The following GLI2 variants were observed in gnomAD, a reference collection of about 807,000 sequenced individuals.
GLI2 encodes GLI family zinc finger 2.
In GLI2, 22 loss-of-function variants were observed where a neutral mutation model predicts 78.9. The observed-to-expected ratio is 0.28, with a 90% CI of 0.20 to 0.40. GLI2 has a LOEUF of 0.40. Among genes scored for constraint, GLI2 ranks in the 10% least tolerant of loss-of-function variants. The pLI is 1.00. For synonymous variants in GLI2, 974 were observed against 963.7 expected (o/e 1.01, Z -0.20); for missense variants, 2,097 against 2,213.2 (o/e 0.95, Z 1.05).
intron 1 of GLI2, among the ~76,000 whole-genome samples, chr2:120,763,984 G>T (rs913035807): frequency 2.0e-5 from 3 of 152,238 alleles, no homozygotes; most frequent in Non-Finnish European, 2.9e-5. Flanking sequence ...ATAGCCCTGT[G>T]GGGACATCTC....
chr2:120,898,733 A>G (rs1202199310), intron 2 of GLI2, among the ~76,000 whole-genome samples: 1 of 152,178 alleles, frequency 6.6e-6, no homozygotes, highest in Non-Finnish European at 1.5e-5. Flanking sequence ...ATCATAACAA[A>G]GTGTCCTTTG....
intron 2 of GLI2, among the ~76,000 whole-genome samples, chr2:120,856,454 G>A (rs1287343520): frequency 1.3e-5 from 2 of 152,170 alleles, no homozygotes; most frequent in Non-Finnish European, 2.9e-5. Flanking sequence ...GAAGCAGGAC[G>A]GCTCCTAGGT....
At chr2:120,936,418 A>G (rs939649615) in intron 3 of GLI2, among the ~76,000 whole-genome samples, 1 of 152,154 alleles carries the variant, frequency 6.6e-6, no homozygotes, top group Non-Finnish European at 1.5e-5. Context: ...TGTCCTATTC[A>G]GTCCTCCCAA....
chr2:120,774,319 A>G (rs1683615588), intron 1 of GLI2, among the ~76,000 whole-genome samples: 1 of 152,230 alleles, frequency 6.6e-6, no homozygotes, highest in Admixed American at 6.5e-5. Context: ...TTCGCGTACC[A>G]TAAAATTCAC....
intron 2 of GLI2, among the ~76,000 whole-genome samples, chr2:120,888,490 G>A (rs1029371255): frequency 6.6e-6 from 1 of 152,086 alleles, no homozygotes; most frequent in Non-Finnish European, 1.5e-5. Flanking sequence ...CTTCTCTTCA[G>A]ACAGGAGAGA....
At chr2:120,832,555 C>A (rs1010530465) in intron 2 of GLI2, among the ~76,000 whole-genome samples, 1 of 152,198 alleles carries the variant, frequency 6.6e-6, no homozygotes. Context: ...TGTAAGGGAA[C>A]AATATGTCCC....
intron 1 of GLI2, among the ~76,000 whole-genome samples, chr2:120,793,077 G>A (rs1684224740): frequency 2.0e-5 from 3 of 152,214 alleles, no homozygotes; most frequent in Admixed American, 1.3e-4. Flanking sequence ...CAATCTCCAG[G>A]GGAAGGCCCA....
intron 3 of GLI2, among the ~76,000 whole-genome samples, chr2:120,935,638 A>T (rs1191575455): frequency 6.6e-6 from 1 of 152,192 alleles, no homozygotes; most frequent in Non-Finnish European, 1.5e-5. Context: ...AAACCGAGGC[A>T]TGGGGAGGCT....
At chr2:120,738,263 C>T (rs1052051288) in intron 1 of GLI2, among the ~76,000 whole-genome samples, 2 of 152,196 alleles carry the variant, frequency 1.3e-5, no homozygotes, top group African/African-American at 4.8e-5. Flanking sequence ...TTTGACTATG[C>T]TTCTTGTGCC....
intron 2 of GLI2, chr2:120,867,016 GCACAGTGGCCTGGGGGCCAGT>G (rs1232771636): frequency 6.6e-6 from 1 of 152,262 alleles, no homozygotes; most frequent in Non-Finnish European, 1.5e-5. Context: ...CTCAGAAGGT[GCACAGTGGCCTGGGGGCCAGT>G]CATGTCTTTC....
chr2:120,741,417 C>G (rs1682534670), intron 1 of GLI2, among the ~76,000 whole-genome samples: 1 of 151,950 alleles, frequency 6.6e-6, no homozygotes, highest in African/African-American at 2.4e-5. Context: ...TTCTCCTTCC[C>G]CTTTCTCTCT....
At chr2:120,765,720 G>A (rs1683347708) in intron 1 of GLI2, among the ~76,000 whole-genome samples, 1 of 152,258 alleles carries the variant, frequency 6.6e-6, no homozygotes, top group Non-Finnish European at 1.5e-5. Context: ...TCTGCAGGGT[G>A]GGATGGGCCC....
chr2:120,777,896 TGCAGAGCCCAGTGTGGTCAGAGTGGGAGC>T (rs1413120956), intron 1 of GLI2, among the ~76,000 whole-genome samples: 2 of 151,568 alleles, frequency 1.3e-5, no homozygotes, highest in Non-Finnish European at 2.9e-5. Context: ...CAGGCTGGGG[TGCAGAGCCCAGTGTGGTCAGAGTGGGAGC>T]ACGGAGACTC....
At chr2:120,837,093 T>G (rs1380105700) in intron 2 of GLI2, among the ~76,000 whole-genome samples, 3 of 152,180 alleles carry the variant, frequency 2.0e-5, no homozygotes, top group Non-Finnish European at 4.4e-5. Flanking sequence ...GAGATACTAA[T>G]CTTAAAAATC....
intron 1 of GLI2, among the ~76,000 whole-genome samples, chr2:120,763,164 G>A (rs1683267699): frequency 6.6e-6 from 1 of 152,176 alleles, no homozygotes; most frequent in African/African-American, 2.4e-5. Context: ...CCCACCACAG[G>A]CCCTTTCTTG....
At chr2:120,817,271 T>G (rs1182996068) in intron 2 of GLI2, among the ~76,000 whole-genome samples, 2 of 152,186 alleles carry the variant, frequency 1.3e-5, no homozygotes, top group African/African-American at 4.8e-5. Flanking sequence ...CGAAGTGGCC[T>G]CGGTATGAAG....
At chr2:120,916,184 C>G (rs1316816011) in intron 2 of GLI2, among the ~76,000 whole-genome samples, 5 of 152,188 alleles carry the variant, frequency 3.3e-5, no homozygotes, top group Non-Finnish European at 7.3e-5. Flanking sequence ...CTGAGAAACC[C>G]CGATATCAGG....
rs757109745 is a variant in GLI2, at chr2:120,986,374, G to A, written c.2002G>A (p.Gly668Arg). 8 of 1,613,516 alleles carry A rather than the reference G, an allele frequency of 5.0e-6. No homozygotes were observed. The South Asian group carries it at 5.5e-5, about 11-fold the overall frequency. Residue 668 changes from glycine (G) to arginine (R), a missense_variant, in exon 13 of 14, where the codon GGG becomes AGG. Physicochemically the swap from Gly to Arg is moderately radical, Grantham distance 125 (BLOSUM62 -2). Transcript: ENST00000361492. ...PNNDSGVEMP[G>R]TGPGSLGDLT... Reference sequence around the variant, plus strand: ...CAATGACAGTGGCGTGGAGATGCCGGGGACGGGGCCCGGGAGCCTGGGAGA... The same window carrying A: ...CAATGACAGTGGCGTGGAGATGCCGAGGACGGGGCCCGGGAGCCTGGGAGA...
At chr2:120,858,318 TGTG>T (rs1235742324) in intron 2 of GLI2, among the ~76,000 whole-genome samples, 1 of 152,204 alleles carries the variant, frequency 6.6e-6, no homozygotes, top group Non-Finnish European at 1.5e-5. Flanking sequence ...AAGTACTCCT[TGTG>T]GTACTTGGCA....
Sources: allele counts gnomAD v4.1 joint callset (sites outside exome capture counted in the v4.1 genomes callset), GRCh38; gene constraint gnomAD v4.1.1; transcripts MANE v1.5; gene names NCBI Gene and HGNC (gene_info 2026-07-23, HGNC 2026-07-21).